BLTP3B: variants seen among roughly 807,000 people sequenced by gnomAD.
BLTP3B encodes the protein bridge-like lipid transfer protein family member 3B, also known as UHRF1 (ICBP90) binding protein 1-like.
the BLTP3B span, chr12:100,103,967 TTTTAA>T: frequency 2.5e-6 from 4 of 1,594,708 alleles, no homozygotes; most frequent in East Asian, 2.3e-5. Flanking sequence ...AATGAAAAAT[TTTTAA>T]TTTAAGATCA....
the BLTP3B span, among the ~76,000 whole-genome samples, chr12:100,046,286 T>C: frequency 1.8e-4 from 28 of 152,166 alleles, no homozygotes; most frequent in African/African-American, 5.5e-4. Context: ...CATACGTTTA[T>C]TGCAGCACTA....
At chr12:100,138,017 G>C in the BLTP3B span, among the ~76,000 whole-genome samples, 1 of 152,336 alleles carries the variant, frequency 6.6e-6, no homozygotes, top group East Asian at 1.9e-4. Flanking sequence ...AATTATGGAA[G>C]ATAGGCCAGC....
At chr12:100,138,584 AT>A in the BLTP3B span, among the ~76,000 whole-genome samples, 1 of 152,222 alleles carries the variant, frequency 6.6e-6, no homozygotes, top group Admixed American at 6.5e-5. Context: ...ACACTGCCAA[AT>A]GTCACCTCAA....
chr12:100,120,831 C>A, the BLTP3B span, among the ~76,000 whole-genome samples: 1 of 152,008 alleles, frequency 6.6e-6, no homozygotes, highest in Non-Finnish European at 1.5e-5. Context: ...TATGTCCTCA[C>A]GAAGATTTAT....
At chr12:100,092,691 C>T in the BLTP3B span, 1 of 154,690 alleles carries the variant, frequency 6.5e-6, no homozygotes, top group African/African-American at 2.4e-5. Context: ...AACATATCCA[C>T]ATATTATAAG....
the BLTP3B span, among the ~76,000 whole-genome samples, chr12:100,074,460 G>A: frequency 1.3e-5 from 2 of 151,960 alleles, no homozygotes; most frequent in African/African-American, 2.4e-5. Flanking sequence ...TCAGCTGGGC[G>A]TGGTGGCACA....
the BLTP3B span, among the ~76,000 whole-genome samples, chr12:100,133,944 T>C: frequency 6.6e-6 from 1 of 152,196 alleles, no homozygotes; most frequent in Non-Finnish European, 1.5e-5. Context: ...CTATTACATA[T>C]TAGTTTTTGT....
the BLTP3B span, among the ~76,000 whole-genome samples, chr12:100,132,807 G>C: frequency 6.6e-6 from 1 of 151,980 alleles, no homozygotes; most frequent in South Asian, 2.1e-4. Context: ...AATTAGCCAG[G>C]CGTGGTGGCA....
the BLTP3B span, chr12:100,069,977 T>G: frequency 8.3e-7 from 1 of 1,208,166 alleles, no homozygotes; most frequent in Non-Finnish European, 1.0e-6. Context: ...ACTATGATTA[T>G]GCAATAACAG....
At chr12:100,083,082 T>C in the BLTP3B span, 3 of 1,613,878 alleles carry the variant, frequency 1.9e-6, no homozygotes, top group Non-Finnish European at 2.5e-6. Flanking sequence ...CTTTTGATTG[T>C]TGAGATAATA....
At chr12:100,132,022 C>A in the BLTP3B span, among the ~76,000 whole-genome samples, 1 of 152,274 alleles carries the variant, frequency 6.6e-6, no homozygotes, top group South Asian at 2.1e-4. Flanking sequence ...GAACTCCTGA[C>A]CTCAGGTGAT....
At chr12:100,037,924 C>CA in the BLTP3B span, among the ~76,000 whole-genome samples, 300 of 152,232 alleles carry the variant, frequency 2.0e-3, no homozygotes, top group African/African-American at 6.8e-3. Flanking sequence ...AAACATGTAT[C>CA]AAGCACTTAA....
chr12:100,092,901 A>C, the BLTP3B span: 37 of 950,900 alleles, frequency 3.9e-5, no homozygotes, highest in African/African-American at 5.3e-5. Context: ...GACTTTTCTT[A>C]CCCTCACCTC....
the BLTP3B span, among the ~76,000 whole-genome samples, chr12:100,075,333 T>A: frequency 1.3e-5 from 2 of 151,882 alleles, no homozygotes; most frequent in Non-Finnish European, 2.9e-5. Context: ...TATACAAAAA[T>A]TAACTCAAGA....
the BLTP3B span, among the ~76,000 whole-genome samples, chr12:100,133,270 A>C: frequency 1.6e-4 from 25 of 152,120 alleles, no homozygotes; most frequent in African/African-American, 5.8e-4. Context: ...ATAAACAAAT[A>C]AAACCTGTCT....
chr12:100,075,724 T>G, the BLTP3B span, among the ~76,000 whole-genome samples: 1 of 152,204 alleles, frequency 6.6e-6, no homozygotes, highest in Non-Finnish European at 1.5e-5. Context: ...CCAACAAGCA[T>G]ATGAAACAAT....
the BLTP3B span, among the ~76,000 whole-genome samples, chr12:100,045,444 C>T: frequency 6.6e-6 from 1 of 152,198 alleles, no homozygotes; most frequent in East Asian, 1.9e-4. Context: ...ACCATCTGAT[C>T]TTTGACAAAC....
the BLTP3B span, among the ~76,000 whole-genome samples, chr12:100,119,679 G>C: frequency 6.6e-6 from 1 of 151,800 alleles, no homozygotes; most frequent in Admixed American, 6.6e-5. Context: ...GCAAAAACAA[G>C]TCAATGAAAA....
chr12:100,109,229 A>T, the BLTP3B span, among the ~76,000 whole-genome samples: 113 of 138,882 alleles, frequency 8.1e-4, no homozygotes, highest in African/African-American at 2.9e-3. Context: ...CACCATGTAA[A>T]ACATGCCTTG....
Sources: gnomAD v4.1 joint callset for allele counts (sites outside exome capture counted in the v4.1 genomes callset) on GRCh38, gnomAD v4.1.1 for gene constraint, MANE v1.5 for transcripts, NCBI Gene and HGNC (gene_info 2026-07-23, HGNC 2026-07-21) for gene names.